The following LIN28B variants were observed in gnomAD, a reference collection of about 807,000 sequenced individuals.
LIN28B encodes lin-28 RNA binding posttranscriptional regulator B.
LIN28B carries 5 observed loss-of-function variants against 21.9 expected under a neutral mutation model. The ratio of observed to expected loss-of-function variants is 0.23; its 90% CI spans 0.12 to 0.48. The LOEUF (loss-of-function observed/expected upper bound fraction) is 0.48. LIN28B is among the 20% of genes least tolerant of loss of function. The pLI is 0.98. For synonymous variants in LIN28B, 109 were observed against 111.3 expected, an observed-to-expected ratio of 0.98 and a Z score of 0.13; for missense variants, 245 against 310.5, an observed-to-expected ratio of 0.79 and a Z score of 1.58.
intron 3 of LIN28B, among the ~76,000 whole-genome samples, chr6:105,070,995 G>C (rs1772322902): frequency 6.6e-6 from 1 of 152,032 alleles, no homozygotes; most frequent in Admixed American, 6.6e-5. Flanking sequence ...TCCTGCCTCA[G>C]CCTCCTGAGT....
intron 3 of LIN28B, among the ~76,000 whole-genome samples, chr6:105,047,715 C>T (rs1195675851): frequency 3.3e-5 from 5 of 152,126 alleles, no homozygotes; most frequent in African/African-American, 7.2e-5. Context: ...TTGTAGTTCT[C>T]CTTGAAGAGG....
intron 2 of LIN28B, among the ~76,000 whole-genome samples, chr6:104,986,915 A>G (rs1249160442): frequency 6.6e-6 from 1 of 152,242 alleles, no homozygotes; most frequent in Non-Finnish European, 1.5e-5. Flanking sequence ...ACTAGGGTCA[A>G]CGAACTTTCT....
intron 2 of LIN28B, among the ~76,000 whole-genome samples, chr6:104,995,165 G>C (rs1770573638): frequency 6.6e-6 from 1 of 152,142 alleles, no homozygotes. Flanking sequence ...TGTGTATTGA[G>C]GATGCATTTA....
At chr6:105,000,782 T>A (rs1770703501) in intron 2 of LIN28B, among the ~76,000 whole-genome samples, 1 of 152,164 alleles carries the variant, frequency 6.6e-6, no homozygotes, top group South Asian at 2.1e-4. Flanking sequence ...ATATATTCAC[T>A]CATCTAATTC....
intron 3 of LIN28B, among the ~76,000 whole-genome samples, chr6:105,063,667 G>A (rs934832695): frequency 4.0e-5 from 6 of 149,858 alleles, no homozygotes; most frequent in African/African-American, 1.5e-4. Context: ...GTAAAGTAAA[G>A]GATAATAAAA....
At chr6:104,979,102 T>G (rs7450794) in intron 2 of LIN28B, among the ~76,000 whole-genome samples, 102 of 152,174 alleles carry the variant, frequency 6.7e-4, no homozygotes, top group Non-Finnish European at 1.1e-3. Context: ...AGCATTTTTG[T>G]TTTTAGGGTG....
intron 2 of LIN28B, among the ~76,000 whole-genome samples, chr6:104,968,672 A>G (rs1769913271): frequency 6.6e-6 from 1 of 152,168 alleles, no homozygotes; most frequent in Non-Finnish European, 1.5e-5. Flanking sequence ...TACTTTGGCC[A>G]AGATTTGTTG....
In LIN28B at chr6:105,081,942, C is replaced by T. The variant is rs1772549753; in HGVS notation, c.*3159C>T. ...TTACTAGCTATTGAGGGAAAAGGGT[C>T]TGTGTGAAGCATCACTTTGCAGGGA... On this transcript the variant is annotated 3_prime_UTR_variant, in exon 4 of 4. Coordinates refer to ENST00000345080, the MANE Select transcript of LIN28B (RefSeq NM_001004317.4). The T allele has an allele frequency of 6.6e-6, 1 of 152,586 alleles. No homozygotes were observed. Among genetic ancestry groups the T allele is most frequent in the Non-Finnish European group, 1.5e-5 (1 of 68,046 alleles). 9.5% of individuals were successfully genotyped at this position (152,586 alleles called of 1,614,324 possible). A position where few individuals can be genotyped will look rare whatever the true frequency, so the allele number is the denominator to read the frequency against.
intron 3 of LIN28B, 123 bp from the exon 4 acceptor site, chr6:105,078,291 T>G: frequency 1.1e-6 from 1 of 893,438 alleles, no homozygotes; most frequent in African/African-American, 1.7e-5. Flanking sequence ...TGATAAATGC[T>G]TTTAAGAAGG....
intron 3 of LIN28B, among the ~76,000 whole-genome samples, chr6:105,049,812 C>T (rs1206467459): frequency 1.3e-5 from 2 of 152,136 alleles, no homozygotes; most frequent in East Asian, 3.9e-4. Context: ...TTATCAGAGA[C>T]AGGATTGCAA....
chr6:105,019,270 TG>T (rs1771088943), intron 2 of LIN28B, among the ~76,000 whole-genome samples: 1 of 152,136 alleles, frequency 6.6e-6, no homozygotes, highest in Non-Finnish European at 1.5e-5. Context: ...TTATGCTGTA[TG>T]TTTTATGATT....
At chr6:105,047,353 C>G (rs1771791069) in intron 3 of LIN28B, among the ~76,000 whole-genome samples, 1 of 151,958 alleles carries the variant, frequency 6.6e-6, no homozygotes, top group South Asian at 2.1e-4. Flanking sequence ...TTTCTGAGTG[C>G]TCTGTTCTGT....
chr6:104,999,724 A>G (rs1562087586), intron 2 of LIN28B, among the ~76,000 whole-genome samples: 1 of 152,072 alleles, frequency 6.6e-6, no homozygotes, highest in Non-Finnish European at 1.5e-5. Flanking sequence ...CTTGTCGCCC[A>G]GGCTGGAGTG....
At chr6:105,021,514 A>T (rs1582900411) in intron 2 of LIN28B, among the ~76,000 whole-genome samples, 1 of 152,272 alleles carries the variant, frequency 6.6e-6, no homozygotes, top group Non-Finnish European at 1.5e-5. Context: ...TTTTTCCCAC[A>T]TCCTTGCTAA....
intron 2 of LIN28B, among the ~76,000 whole-genome samples, chr6:105,006,147 A>G (rs1025369469): frequency 6.6e-6 from 1 of 152,086 alleles, no homozygotes; most frequent in Non-Finnish European, 1.5e-5. Flanking sequence ...TTTTTGGTGT[A>G]TGACATTTTT....
chr6:105,071,579 A>C (rs1772333537), intron 3 of LIN28B, among the ~76,000 whole-genome samples: 2 of 152,158 alleles, frequency 1.3e-5, no homozygotes, highest in Non-Finnish European at 2.9e-5. Context: ...CTGTAGAGCA[A>C]ATTCCTAGAG....
intron 2 of LIN28B, among the ~76,000 whole-genome samples, chr6:105,022,515 G>C (rs2114330234): frequency 6.6e-6 from 1 of 152,208 alleles, no homozygotes. Flanking sequence ...AACCCAGCAA[G>C]GTCTGTCTGT....
rs71549426 is a variant in LIN28B, at chr6:104,997,290, AAAAAAGAAAAG to A, written c.199-28990_199-28980del. Among the ~76,000 whole-genome samples the A allele has an allele frequency of 7.8e-3, 1,170 of 150,504 alleles. 10 individuals are homozygous for A. Among genetic ancestry groups the A allele is most frequent in the Non-Finnish European group, 0.013 (906 of 67,524 alleles). ...AACGAGACTCCGTCTCAAAAAAAAA[AAAAAAGAAAAG>A]AAAAAGAAAAGAAAAAGTTTGTCCA... On this transcript the variant is annotated intron_variant, in intron 2 of 3. Transcript: ENST00000345080.
intron 2 of LIN28B, among the ~76,000 whole-genome samples, chr6:105,004,729 G>A (rs927174415): frequency 3.3e-5 from 5 of 152,152 alleles, no homozygotes; most frequent in African/African-American, 4.8e-5. Flanking sequence ...TCCCATGTAA[G>A]TATCATTAAT....
Sources: gnomAD v4.1 joint callset for allele counts (sites outside exome capture counted in the v4.1 genomes callset) on GRCh38, gnomAD v4.1.1 for gene constraint, MANE v1.5 for transcripts, NCBI Gene and HGNC (gene_info 2026-07-23, HGNC 2026-07-21) for gene names.